The following BBOF1 variants were observed in gnomAD, a reference collection of about 807,000 sequenced individuals.
The protein encoded by BBOF1 is basal body-orientation factor 1.
BBOF1 carries 62 observed loss-of-function variants against 68.0 expected under a neutral mutation model. The ratio of observed to expected loss-of-function variants is 0.91; its 90% CI spans 0.74 to 1.13. The LOEUF (loss-of-function observed/expected upper bound fraction) is 1.13, where lower values mean the gene tolerates loss of function less well. BBOF1 is among the 50% of genes most tolerant of loss of function. The probability of loss-of-function intolerance (pLI) is 0.00; values close to 1 mark genes in which losing one functional copy is unlikely to be tolerated. For missense variants in BBOF1, 534 were observed against 600.1 expected (o/e 0.89, Z 1.15); for synonymous variants, 208 against 198.8 (o/e 1.05, Z -0.39).
At chr14:74,027,232 T>G (rs1384246315) in intron 2 of BBOF1, among the ~76,000 whole-genome samples, 1 of 151,534 alleles carries the variant, frequency 6.6e-6, no homozygotes, top group African/African-American at 2.4e-5. Flanking sequence ...ACTACAGTTG[T>G]GCCACCACCC....
At chr14:74,027,233 G>A (rs2059451856) in intron 2 of BBOF1, among the ~76,000 whole-genome samples, 1 of 151,382 alleles carries the variant, frequency 6.6e-6, no homozygotes, top group Non-Finnish European at 1.5e-5. Context: ...CTACAGTTGT[G>A]CCACCACCCC....
At chr14:74,055,756 T>C (rs2060184118) in intron 9 of BBOF1, 71 bp downstream of exon 9, 2 of 1,207,234 alleles carry the variant, frequency 1.7e-6, no homozygotes, top group Non-Finnish European at 2.4e-6. Context: ...AACAAAGAAC[T>C]TATTTTTCTT....
intron 11 of BBOF1, chr14:74,057,953 G>A: frequency 1.1e-6 from 1 of 934,184 alleles, no homozygotes; most frequent in Non-Finnish European, 1.3e-6. Context: ...GAATCTCTGT[G>A]ACTACATTTA....
intron 8 of BBOF1, among the ~76,000 whole-genome samples, chr14:74,050,796 TAAAAA>T (rs1031546319): frequency 6.6e-6 from 1 of 151,494 alleles, no homozygotes; most frequent in Non-Finnish European, 1.5e-5. Context: ...ACCATATAAT[TAAAAA>T]AAAATCAATA....
At chr14:74,039,300 A>T (rs1391544489) in intron 4 of BBOF1, among the ~76,000 whole-genome samples, 5 of 152,158 alleles carry the variant, frequency 3.3e-5, no homozygotes, top group Non-Finnish European at 7.3e-5. Flanking sequence ...ACGGAATTCC[A>T]TTGGGTAGAT....
intron 8 of BBOF1, among the ~76,000 whole-genome samples, chr14:74,054,177 A>G (rs950550082): frequency 1.3e-4 from 19 of 150,768 alleles, no homozygotes; most frequent in African/African-American, 4.6e-4. Flanking sequence ...CGCGCAGCCT[A>G]ATTTTCGTAT....
At chr14:74,066,732 A>C (rs1258714788), downstream of BBOF1, 1 of 1,614,154 alleles carries the variant, frequency 6.2e-7, no homozygotes, top group South Asian at 1.1e-5. Context: ...TGGTTGGTCC[A>C]ACAAAGTTGC....
intron 9 of BBOF1, among the ~76,000 whole-genome samples, chr14:74,073,542 C>G (rs1045422530): frequency 6.6e-6 from 1 of 152,176 alleles, no homozygotes; most frequent in Non-Finnish European, 1.5e-5. Flanking sequence ...AAAGCAGCAA[C>G]TCTGTTAATA....
intron 11 of BBOF1, chr14:74,057,461 G>C: frequency 6.9e-7 from 1 of 1,453,736 alleles, no homozygotes; most frequent in Non-Finnish European, 9.0e-7. Context: ...AAATGCAAAT[G>C]TGTGCCTCTT....
intron 4 of BBOF1, among the ~76,000 whole-genome samples, chr14:74,037,619 C>T (rs1000431751): frequency 5.3e-5 from 8 of 151,258 alleles, no homozygotes; most frequent in African/African-American, 1.5e-4. Context: ...AGCTCAAATT[C>T]GTGTTCTCCA....
At chr14:74,072,490 T>A in intron 9 of BBOF1, 2 of 1,613,716 alleles carry the variant, frequency 1.2e-6, no homozygotes, top group Non-Finnish European at 1.7e-6. Flanking sequence ...ATCATGTCCC[T>A]AGAATTCTAG....
chr14:74,066,820 A>G, downstream of BBOF1: 1 of 1,614,080 alleles, frequency 6.2e-7, no homozygotes, highest in South Asian at 1.1e-5. Flanking sequence ...ACTATCAATC[A>G]GATTACAGAC....
intron 4 of BBOF1, among the ~76,000 whole-genome samples, chr14:74,036,683 C>CAA (rs35152747): frequency 0.058 from 6,217 of 107,840 alleles, 651 homozygotes; most frequent in African/African-American, 0.2. Context: ...GACTCTGTCT[C>CAA]AAAAAAAAAA....
Position 74,064,315 on chromosome 14 carries a change from T to TA in BBOF1, c.1579-371dup, listed in dbSNP as rs1566827509. Among the ~76,000 whole-genome samples the TA allele has an allele frequency of 8.3e-5, 12 of 144,388 alleles. No individual in the cohort carries two copies. In the East Asian group the frequency reaches 1.7e-3, roughly 20 times the overall value. The allele number at this position is 144,388 out of a possible 152,430, so 94.7% of individuals were successfully genotyped here. ...TGTGTCTCAAAAAAAAAAAAAATAA[T>TA]AATAATAATAGTAATAATAATGTCT... is the stretch of plus-strand genomic sequence containing the variant. On this transcript the variant is annotated intron_variant, in intron 11 of 11. Transcript: ENST00000394009.
chr14:74,019,357 C>G lies in BBOF1; in HGVS notation c.-122C>G. On this transcript the variant is annotated 5_prime_UTR_variant, in exon 1 of 12. Transcript: ENST00000394009. ...ACGTCACGGGCGCGTGCGCTCTCCG[C>G]GCGCCGTCAGCGGCGCGGGTGGGGC... 7.6e-7 allele frequency: 1 copy of G among 1,313,476 alleles called. No homozygotes were observed. Among genetic ancestry groups the G allele is most frequent in the Middle Eastern group, 2.6e-4 (1 of 3,834 alleles). 81.4% of individuals were successfully genotyped at this position (1,313,476 alleles called of 1,614,324 possible).
chr14:74,044,839 C>T (rs2059914421), intron 5 of BBOF1, among the ~76,000 whole-genome samples: 1 of 152,050 alleles, frequency 6.6e-6, no homozygotes, highest in Non-Finnish European at 1.5e-5. Context: ...GTGAAAGAAT[C>T]GATTGAACCC....
downstream of BBOF1, among the ~76,000 whole-genome samples, chr14:74,069,955 T>A (rs1180297073): frequency 6.6e-6 from 1 of 150,520 alleles, no homozygotes; most frequent in African/African-American, 2.4e-5. Flanking sequence ...AGGCTCAAGC[T>A]GTCTTCCCAC....
At chr14:74,019,587 G>A (rs2059203162) in intron 1 of BBOF1, 53 bp downstream of exon 1, 2 of 1,550,336 alleles carry the variant, frequency 1.3e-6, no homozygotes, top group Admixed American at 2.0e-5. Flanking sequence ...CTGGGATTTC[G>A]GGTCTGGGGC....
intron 3 of BBOF1, among the ~76,000 whole-genome samples, chr14:74,032,542 G>A (rs1175427735): frequency 6.7e-6 from 1 of 148,882 alleles, no homozygotes; most frequent in Non-Finnish European, 1.5e-5. Context: ...CACCCAGGCT[G>A]GAGTGCAATG....
Sources: gnomAD v4.1 joint callset for allele counts (sites outside exome capture counted in the v4.1 genomes callset) on GRCh38, gnomAD v4.1.1 for gene constraint, MANE v1.5 for transcripts, NCBI Gene and HGNC (gene_info 2026-07-23, HGNC 2026-07-21) for gene names.